SNTG2: variants seen among roughly 807,000 people sequenced by gnomAD.
SNTG2 encodes the protein gamma-2-syntrophin.
A neutral mutation model predicts 70.9 loss-of-function variants in SNTG2; 74 were observed. The ratio of observed to expected loss-of-function variants is 1.04; its 90% CI spans 0.86 to 1.27. The LOEUF (loss-of-function observed/expected upper bound fraction) is 1.27, where lower values mean the gene tolerates loss of function less well. SNTG2 is among the 50% of genes most tolerant of loss of function. The pLI is 0.00. For synonymous variants in SNTG2, 278 were observed against 273.8 expected (o/e 1.02, Z -0.15); for missense variants, 717 against 690.7 (o/e 1.04, Z -0.43).
chr2:1,055,263 C>G (rs1337886474), intron 1 of SNTG2, among the ~76,000 whole-genome samples: 1 of 152,252 alleles, frequency 6.6e-6, no homozygotes, highest in East Asian at 1.9e-4. Flanking sequence ...ATCTGCCTGA[C>G]TGTGCAGTTC....
At position 1,367,444 on chromosome 2, in the gene SNTG2, T is replaced by A; in HGVS notation, c.1590T>A (p.Ser530Arg). The change falls in exon 17 of 17, where the codon AGT (serine) becomes AGA (arginine). Residue 530 changes from serine to arginine, a missense_variant. Physicochemically the swap from Ser to Arg is moderately radical, Grantham distance 110. Transcript: ENST00000308624. ...SVDPGFMDSQ[S>R]LARKYMYSS is the part of the protein sequence containing the mutation. Reference sequence around the variant, plus strand: ...ACCCCGGCTTCATGGACAGTCAGAGTCTTGCCAGAAAATACATGTACAGCA... The same window carrying A: ...ACCCCGGCTTCATGGACAGTCAGAGACTTGCCAGAAAATACATGTACAGCA... 1 of 1,551,450 alleles carries A rather than the reference T, an allele frequency of 6.4e-7. No individual in the cohort carries two copies. Among genetic ancestry groups the A allele is most frequent in the Non-Finnish European group, 8.7e-7 (1 of 1,146,964 alleles).
At chr2:1,073,886 C>A (rs34061807) in intron 1 of SNTG2, among the ~76,000 whole-genome samples, 1 of 152,064 alleles carries the variant, frequency 6.6e-6, no homozygotes, top group Non-Finnish European at 1.5e-5. Flanking sequence ...TTTAATATGC[C>A]TATTTTGTAG....
chr2:1,091,646 T>C (rs1169651960), intron 2 of SNTG2, among the ~76,000 whole-genome samples: 1 of 152,168 alleles, frequency 6.6e-6, no homozygotes, highest in Non-Finnish European at 1.5e-5. Context: ...TGCTTAGACC[T>C]GAAGAAACTC....
At chr2:1,231,443 GC>G (rs965976304) in intron 9 of SNTG2, among the ~76,000 whole-genome samples, 2 of 152,206 alleles carry the variant, frequency 1.3e-5, no homozygotes, top group Admixed American at 6.5e-5. Flanking sequence ...AGCTACTGCT[GC>G]CACTATCATA....
chr2:1,274,843 A>G (rs1455820624), intron 14 of SNTG2, among the ~76,000 whole-genome samples: 2 of 152,174 alleles, frequency 1.3e-5, no homozygotes, highest in South Asian at 2.1e-4. Flanking sequence ...GTCTTAGTTT[A>G]TTTAGTGTTG....
intron 16 of SNTG2, among the ~76,000 whole-genome samples, chr2:1,316,652 G>A (rs35838657): frequency 0.54 from 82,522 of 151,452 alleles, 22,565 homozygotes; most frequent in Middle Eastern, 0.69. Context: ...TCTGAAATCC[G>A]AAAATCCAAA....
intron 4 of SNTG2, among the ~76,000 whole-genome samples, chr2:1,110,919 A>G (rs984366182): frequency 6.6e-6 from 1 of 152,224 alleles, no homozygotes; most frequent in African/African-American, 2.4e-5. Context: ...GTGCAGAAAC[A>G]CAATGTCAGA....
intron 13 of SNTG2, 80 bp from the exon 14 acceptor site, chr2:1,267,285 C>T (rs1678791603): frequency 7.4e-7 from 1 of 1,345,368 alleles, no homozygotes; most frequent in East Asian, 2.5e-5. Flanking sequence ...GCAAACGCTG[C>T]CTTCTCCCCA....
chr2:1,268,933 C>T (rs1159230726), intron 14 of SNTG2, among the ~76,000 whole-genome samples: 1 of 152,126 alleles, frequency 6.6e-6, no homozygotes, highest in East Asian at 1.9e-4. Flanking sequence ...CTCTAGTGCC[C>T]CAGGGCCCAT....
chr2:1,002,018 A>G (rs1304499748), intron 1 of SNTG2, among the ~76,000 whole-genome samples: 1 of 152,156 alleles, frequency 6.6e-6, no homozygotes, highest in Non-Finnish European at 1.5e-5. Flanking sequence ...TAATGTAAGG[A>G]TACCCTATCC....
At chr2:1,190,595 A>G (rs1672535154) in intron 8 of SNTG2, among the ~76,000 whole-genome samples, 1 of 148,096 alleles carries the variant, frequency 6.8e-6, no homozygotes, top group South Asian at 2.1e-4. Flanking sequence ...TATATATAAT[A>G]CTTAACCATA....
At chr2:1,283,901 G>T (rs1478031545) in intron 14 of SNTG2, among the ~76,000 whole-genome samples, 3 of 152,162 alleles carry the variant, frequency 2.0e-5, no homozygotes, top group Admixed American at 1.3e-4. Context: ...AAATAGAGCT[G>T]CTGAGAGAAA....
intron 7 of SNTG2, among the ~76,000 whole-genome samples, chr2:1,169,407 C>T (rs1670973822): frequency 6.6e-6 from 1 of 152,066 alleles, no homozygotes; most frequent in African/African-American, 2.4e-5. Context: ...AGCCAGCTTC[C>T]CTGGGTGCCT....
At chr2:1,129,595 ATTAT>A (rs1667900007) in intron 4 of SNTG2, among the ~76,000 whole-genome samples, 1 of 152,234 alleles carries the variant, frequency 6.6e-6, no homozygotes, top group Admixed American at 6.5e-5. Flanking sequence ...CTTTGTATGT[ATTAT>A]TTGTCATTCT....
chr2:979,317 C>T (rs541003982), intron 1 of SNTG2, among the ~76,000 whole-genome samples: 10 of 152,258 alleles, frequency 6.6e-5, no homozygotes, highest in Admixed American at 2.6e-4. Flanking sequence ...AGTGCTCTGC[C>T]GTGCTGGTGC....
At chr2:1,072,349 CTT>C (rs201149926) in intron 1 of SNTG2, among the ~76,000 whole-genome samples, 6 of 61,416 alleles carry the variant, frequency 9.8e-5, no homozygotes, top group Admixed American at 1.9e-4. Flanking sequence ...TTTTCTTTTT[CTT>C]TTTTTTTTTT....
intron 2 of SNTG2, among the ~76,000 whole-genome samples, chr2:1,090,310 A>G (rs1459001462): frequency 6.6e-6 from 1 of 152,198 alleles, no homozygotes; most frequent in Non-Finnish European, 1.5e-5. Context: ...CAACATATTT[A>G]TTTTAATAAG....
chr2:1,181,336 A>T (rs1348030682), intron 8 of SNTG2, among the ~76,000 whole-genome samples: 2 of 152,176 alleles, frequency 1.3e-5, no homozygotes, highest in Admixed American at 1.3e-4. Context: ...AATAAAACAG[A>T]TGGTGCAATT....
intron 8 of SNTG2, among the ~76,000 whole-genome samples, chr2:1,192,439 T>G (rs893207010): frequency 3.3e-5 from 5 of 152,170 alleles, no homozygotes; most frequent in African/African-American, 1.2e-4. Flanking sequence ...TTCTCAAGAA[T>G]AGGAAAATAA....
Sources: allele counts gnomAD v4.1 joint callset (sites outside exome capture counted in the v4.1 genomes callset), GRCh38; gene constraint gnomAD v4.1.1; transcripts MANE v1.5; gene names NCBI Gene and HGNC (gene_info 2026-07-23, HGNC 2026-07-21).